LINGO2: variants seen among roughly 807,000 people sequenced by gnomAD.
The protein encoded by LINGO2 is leucine rich repeat and Ig domain containing 2.
In LINGO2, 14 loss-of-function variants were observed where a neutral mutation model predicts 30.6. That is an observed-to-expected ratio of 0.46 (90% CI 0.30 to 0.72). The LOEUF is 0.72. LINGO2 is among the 30% of genes least tolerant of loss of function. The probability of loss-of-function intolerance (pLI) is 0.07; values close to 1 mark genes in which losing one functional copy is unlikely to be tolerated. For missense variants in LINGO2, 729 were observed against 751.7 expected (o/e 0.97, Z 0.35); for synonymous variants, 317 against 288.5 (o/e 1.10, Z -1.00).
the LINGO2 span, among the ~76,000 whole-genome samples, chr9:28,718,478 G>C: frequency 6.6e-6 from 1 of 151,882 alleles, no homozygotes; most frequent in Non-Finnish European, 1.5e-5. Flanking sequence ...ATACCCTTGG[G>C]CCTATCATGG....
At chr9:28,008,495 G>A (rs989958156) in intron 5 of LINGO2, among the ~76,000 whole-genome samples, 42 of 151,908 alleles carry the variant, frequency 2.8e-4, no homozygotes, top group Admixed American at 4.6e-4. Context: ...GGAAAAAAAG[G>A]AAAAGACTCA....
intron 5 of LINGO2, among the ~76,000 whole-genome samples, chr9:27,963,587 G>A (rs1326958526): frequency 6.6e-6 from 1 of 151,940 alleles, no homozygotes; most frequent in South Asian, 2.1e-4. Flanking sequence ...TCTCTGACTG[G>A]CAAATGAACA....
the LINGO2 span, among the ~76,000 whole-genome samples, chr9:28,685,714 G>A: frequency 6.6e-6 from 1 of 151,972 alleles, no homozygotes; most frequent in African/African-American, 2.4e-5. Flanking sequence ...TTTTCTACTT[G>A]TCATATATTC....
chr9:28,787,073 C>T, the LINGO2 span, among the ~76,000 whole-genome samples: 1 of 152,228 alleles, frequency 6.6e-6, no homozygotes, highest in South Asian at 2.1e-4. Context: ...TGTACTTTTG[C>T]TTAATCACCA....
At chr9:28,565,537 A>G (rs1823330639) in intron 1 of LINGO2, among the ~76,000 whole-genome samples, 1 of 147,164 alleles carries the variant, frequency 6.8e-6, no homozygotes, top group South Asian at 2.2e-4. Flanking sequence ...AGACAGAGAG[A>G]AGGAGAGATC....
intron 4 of LINGO2, among the ~76,000 whole-genome samples, chr9:28,034,292 T>C (rs72724943): frequency 0.03 from 4,615 of 152,276 alleles, 108 homozygotes; most frequent in East Asian, 0.094. Flanking sequence ...AGAAAGCCGA[T>C]TATTTCACTT....
intron 1 of LINGO2, among the ~76,000 whole-genome samples, chr9:28,577,617 C>T (rs1451417785): frequency 6.6e-6 from 1 of 152,112 alleles, no homozygotes; most frequent in East Asian, 1.9e-4. Context: ...ATTCCCCTGT[C>T]TTGATAAATT....
At chr9:28,048,836 A>G (rs1147818) in intron 4 of LINGO2, among the ~76,000 whole-genome samples, 35,735 of 150,104 alleles carry the variant, frequency 0.24, 5,504 homozygotes, top group East Asian at 0.44. Flanking sequence ...AGCAACATAT[A>G]TATGTAACTA....
the LINGO2 span, among the ~76,000 whole-genome samples, chr9:28,855,469 C>T: frequency 2.5e-4 from 38 of 151,970 alleles, no homozygotes; most frequent in Non-Finnish European, 5.2e-4. Context: ...ATGCAGACAC[C>T]CCACATTTAC....
chr9:28,017,658 G>C (rs796806764), intron 4 of LINGO2, among the ~76,000 whole-genome samples: 11 of 152,210 alleles, frequency 7.2e-5, no homozygotes, highest in African/African-American at 2.4e-4. Context: ...AATCAGGGAG[G>C]TTGAAAGATC....
chr9:28,208,375 A>G (rs192375486), intron 4 of LINGO2, among the ~76,000 whole-genome samples: 1 of 152,214 alleles, frequency 6.6e-6, no homozygotes, highest in Non-Finnish European at 1.5e-5. Flanking sequence ...CATTTTTATG[A>G]TGATATATCT....
At chr9:28,343,006 G>A (rs147764964) in intron 3 of LINGO2, among the ~76,000 whole-genome samples, 1 of 152,112 alleles carries the variant, frequency 6.6e-6, no homozygotes, top group Non-Finnish European at 1.5e-5. Context: ...ATTTCTAAGG[G>A]ATTGCAAAAT....
the LINGO2 span, among the ~76,000 whole-genome samples, chr9:28,945,952 A>T: frequency 1.3e-5 from 2 of 152,164 alleles, no homozygotes; most frequent in Non-Finnish European, 2.9e-5. Flanking sequence ...CAACCTCATG[A>T]GTCACACCAA....
intron 4 of LINGO2, among the ~76,000 whole-genome samples, chr9:28,258,324 T>G (rs1222771723): frequency 6.6e-6 from 1 of 151,928 alleles, no homozygotes; most frequent in African/African-American, 2.4e-5. Context: ...AAGAGAAAAC[T>G]ACCCCTATGA....
intron 2 of LINGO2, among the ~76,000 whole-genome samples, chr9:28,470,088 G>C (rs1313059881): frequency 6.6e-6 from 1 of 152,132 alleles, no homozygotes; most frequent in African/African-American, 2.4e-5. Flanking sequence ...AAGATGAACA[G>C]GGTGAAGCTC....
At chr9:28,700,202 C>G in the LINGO2 span, among the ~76,000 whole-genome samples, 3 of 151,932 alleles carry the variant, frequency 2.0e-5, no homozygotes, top group Non-Finnish European at 4.4e-5. Context: ...TACTCTTTCT[C>G]TTTATTTCTC....
intron 1 of LINGO2, among the ~76,000 whole-genome samples, chr9:28,626,316 A>G (rs1051810042): frequency 3.3e-5 from 5 of 152,028 alleles, no homozygotes; most frequent in African/African-American, 1.2e-4. Context: ...TATTCTGGAG[A>G]TAAGTATTGT....
chr9:28,145,328 A>C (rs1195851246), intron 4 of LINGO2, among the ~76,000 whole-genome samples: 1 of 152,216 alleles, frequency 6.6e-6, no homozygotes, highest in Non-Finnish European at 1.5e-5. Flanking sequence ...AGTCTAAACT[A>C]TGAGGTACTA....
chr9:28,585,812 G>A (rs1177298202), intron 1 of LINGO2, among the ~76,000 whole-genome samples: 1 of 151,952 alleles, frequency 6.6e-6, no homozygotes, highest in Non-Finnish European at 1.5e-5. Context: ...TTTGTTGTTG[G>A]TTCACTTGGT....
Sources: gnomAD v4.1 joint callset for allele counts (sites outside exome capture counted in the v4.1 genomes callset) on GRCh38, gnomAD v4.1.1 for gene constraint, MANE v1.5 for transcripts, NCBI Gene and HGNC (gene_info 2026-07-23, HGNC 2026-07-21) for gene names.